CSMD3: variants seen among roughly 807,000 people sequenced by gnomAD.
The protein encoded by CSMD3 is CUB and sushi domain-containing protein 3.
In CSMD3, 177 loss-of-function variants were observed where a neutral mutation model predicts 435.2. The ratio of observed to expected loss-of-function variants is 0.41; its 90% CI spans 0.36 to 0.46. CSMD3 has a LOEUF of 0.46. CSMD3 is among the 20% of genes least tolerant of loss of function. CSMD3 has a pLI of 0.34. For missense variants in CSMD3, 4,265 were observed against 4,504.6 expected (o/e 0.95, Z 1.52); for synonymous variants, 1,656 against 1,520.5 (o/e 1.09, Z -2.07).
At chr8:112,298,066 CAAA>C (rs35232021) in intron 53 of CSMD3, among the ~76,000 whole-genome samples, 19,157 of 93,964 alleles carry the variant, frequency 0.2, 2,658 homozygotes, top group African/African-American at 0.47. Flanking sequence ...TGCCATTGCA[CAAA>C]AAAAAAAAAA....
At chr8:112,369,121 C>T (rs2131164829) in intron 38 of CSMD3, among the ~76,000 whole-genome samples, 1 of 152,130 alleles carries the variant, frequency 6.6e-6, no homozygotes, top group East Asian at 1.9e-4. Context: ...GTGGATCTAC[C>T]ACACTTTGAA....
At chr8:113,405,912 G>A (rs938183561) in intron 1 of CSMD3, among the ~76,000 whole-genome samples, 5 of 151,742 alleles carry the variant, frequency 3.3e-5, no homozygotes, top group Non-Finnish European at 7.4e-5. Flanking sequence ...CAGCAGTAAT[G>A]AGAGGATTAT....
At chr8:113,281,539 T>G (rs182661077) in intron 2 of CSMD3, among the ~76,000 whole-genome samples, 32 of 151,948 alleles carry the variant, frequency 2.1e-4, no homozygotes, top group Admixed American at 2.0e-3. Flanking sequence ...CCCTTTAGTT[T>G]ATGTGAGTCC....
chr8:112,310,784 T>C, intron 50 of CSMD3, 194 bp downstream of exon 50: 1 of 677,504 alleles, frequency 1.5e-6, no homozygotes, highest in Admixed American at 2.2e-5. Context: ...CAATAATGAA[T>C]AATTATAAAA....
At chr8:112,586,982 A>C in intron 23 of CSMD3, 84 bp downstream of exon 23, 1 of 889,036 alleles carries the variant, frequency 1.1e-6, no homozygotes. Flanking sequence ...ATACACATAT[A>C]TATATAGATG....
intron 13 of CSMD3, among the ~76,000 whole-genome samples, chr8:112,729,775 C>T (rs1230467888): frequency 2.0e-5 from 3 of 151,954 alleles, no homozygotes; most frequent in South Asian, 2.1e-4. Context: ...GTGATGTGGC[C>T]ACTAGGACAG....
At chr8:112,314,198 T>C (rs1822252568) in intron 48 of CSMD3, 146 bp from the exon 49 acceptor site, 1 of 752,896 alleles carries the variant, frequency 1.3e-6, no homozygotes, top group Non-Finnish European at 2.2e-6. Context: ...AAACATAAAA[T>C]GTTTGTTTTA....
intron 1 of CSMD3, among the ~76,000 whole-genome samples, chr8:113,421,649 G>C (rs886072639): frequency 6.6e-6 from 1 of 151,996 alleles, no homozygotes; most frequent in Admixed American, 6.6e-5. Flanking sequence ...AATAGGATTC[G>C]GAACCAAGGT....
intron 59 of CSMD3, among the ~76,000 whole-genome samples, chr8:112,272,794 A>G (rs939601700): frequency 6.6e-6 from 1 of 152,192 alleles, no homozygotes; most frequent in African/African-American, 2.4e-5. Flanking sequence ...CACTATCACT[A>G]TGCTAGATTC....
Position 113,353,794 on chromosome 8 carries a change from T to C in CSMD3, c.179-39001A>G, listed in dbSNP as rs912245214. 3.9e-5 allele frequency among the ~76,000 whole-genome samples: 6 copies of C among 152,256 alleles called. No individual in the cohort carries two copies. The East Asian group carries it at 1.2e-3, about 29-fold the overall frequency. ...TGTAAGGTTAGCTCTATAAATAGTA[T>C]TTTGTGATTTTGAATTTTATGCTAT... On this transcript the variant is annotated intron_variant, in intron 1 of 70. Coordinates refer to ENST00000297405, the MANE Select transcript of CSMD3 (RefSeq NM_198123.2).
chr8:113,206,731 T>C (rs2092775247), intron 3 of CSMD3, among the ~76,000 whole-genome samples: 1 of 152,140 alleles, frequency 6.6e-6, no homozygotes, highest in East Asian at 1.9e-4. Flanking sequence ...AGTTTATAAA[T>C]ATCTGGTCAA....
chr8:112,506,423 C>G (rs990145431), intron 29 of CSMD3, among the ~76,000 whole-genome samples: 10 of 152,050 alleles, frequency 6.6e-5, no homozygotes, highest in Non-Finnish European at 1.3e-4. Flanking sequence ...CCTAACACTT[C>G]CAATGAAATC....
intron 31 of CSMD3, among the ~76,000 whole-genome samples, chr8:112,489,592 T>G (rs1820481460): frequency 6.6e-6 from 1 of 152,200 alleles, no homozygotes; most frequent in Non-Finnish European, 1.5e-5. Context: ...TAAAATAAGT[T>G]ATTTAATATG....
intron 13 of CSMD3, among the ~76,000 whole-genome samples, chr8:112,755,852 A>G (rs1303701440): frequency 1.3e-5 from 2 of 149,548 alleles, no homozygotes; most frequent in Admixed American, 1.3e-4. Context: ...TAATATGTCC[A>G]TAACAAAGCA....
intron 13 of CSMD3, among the ~76,000 whole-genome samples, chr8:112,747,968 A>AAAAAAAAAAAAAAAG (rs2077477163): frequency 1.4e-5 from 1 of 69,244 alleles, no homozygotes; most frequent in Non-Finnish European, 2.6e-5. Flanking sequence ...GTCTCAAAAA[A>AAAAAAAAAAAAAAAG]AAAAAAAAAA....
At chr8:112,228,985 T>C in intron 69 of CSMD3, 94 bp from the exon 70 acceptor site, 1 of 736,392 alleles carries the variant, frequency 1.4e-6, no homozygotes, top group South Asian at 1.7e-5. Flanking sequence ...ATTCTCAAGA[T>C]ATCTACCTGG....
intron 2 of CSMD3, among the ~76,000 whole-genome samples, chr8:113,306,835 G>A (rs2132627868): frequency 6.6e-6 from 1 of 152,224 alleles, no homozygotes; most frequent in African/African-American, 2.4e-5. Flanking sequence ...TCAAGCTACA[G>A]ATGGTTTATT....
chr8:112,277,554 A>T (rs1350682206), intron 59 of CSMD3, among the ~76,000 whole-genome samples: 2 of 152,134 alleles, frequency 1.3e-5, no homozygotes, highest in Non-Finnish European at 2.9e-5. Flanking sequence ...ACCTCTGCCT[A>T]TTACTCAGTT....
chr8:113,135,227 C>T (rs1298403296), intron 4 of CSMD3, among the ~76,000 whole-genome samples: 2 of 151,764 alleles, frequency 1.3e-5, no homozygotes, highest in African/African-American at 4.8e-5. Flanking sequence ...TATATGTACA[C>T]ACAAATGAAA....
Sources: allele counts gnomAD v4.1 joint callset (sites outside exome capture counted in the v4.1 genomes callset), GRCh38; gene constraint gnomAD v4.1.1; transcripts MANE v1.5; gene names NCBI Gene and HGNC (gene_info 2026-07-23, HGNC 2026-07-21).